The following RARB variants were observed in gnomAD, a reference collection of about 807,000 sequenced individuals.
RARB encodes HBV-activated protein.
RARB carries 17 observed loss-of-function variants against 51.9 expected under a neutral mutation model. The ratio of observed to expected loss-of-function variants is 0.33; its 90% CI spans 0.22 to 0.49. The LOEUF (loss-of-function observed/expected upper bound fraction) is 0.49, where lower values mean the gene tolerates loss of function less well. Among genes scored for constraint, RARB ranks in the 20% least tolerant of loss-of-function variants. The pLI is 0.99. For synonymous variants in RARB, 215 were observed against 195.4 expected (o/e 1.10, Z -0.84); for missense variants, 369 against 550.8 (o/e 0.67, Z 3.30).
intron 5 of RARB, among the ~76,000 whole-genome samples, chr3:25,273,278 G>A (rs1575275209): frequency 6.6e-6 from 1 of 152,150 alleles, no homozygotes; most frequent in East Asian, 1.9e-4. Flanking sequence ...TGCATGAGAA[G>A]CTCATGCTTT....
chr3:25,546,291 C>A (rs948702287), intron 3 of RARB, among the ~76,000 whole-genome samples: 1 of 152,228 alleles, frequency 6.6e-6, no homozygotes, highest in South Asian at 2.1e-4. Context: ...AGCTGTTTTG[C>A]GCAGAAGAGT....
chr3:25,477,249 C>T (rs1335491293), intron 2 of RARB, among the ~76,000 whole-genome samples: 2 of 152,180 alleles, frequency 1.3e-5, no homozygotes, highest in African/African-American at 4.8e-5. Flanking sequence ...GAGGTGCCTG[C>T]CCCATCTGTC....
rs75829964 is a variant in RARB, at chr3:25,480,553, A to G, written c.306+19212A>G. On this transcript the variant is annotated intron_variant, in intron 2 of 7. Transcript: ENST00000330688. ...ATCTGATTCACTAGTCCTTGAAAGTATGGCAAGGATGCATTTTGGTGATGT... is the reference window on the plus strand; with the variant it reads ...ATCTGATTCACTAGTCCTTGAAAGTGTGGCAAGGATGCATTTTGGTGATGT... Among the ~76,000 whole-genome samples, 12 of 152,326 alleles carry G rather than the reference A, an allele frequency of 7.9e-5. No individual in the cohort carries two copies. The East Asian group carries it at 2.3e-3, about 29-fold the overall frequency.
intron 5 of RARB, among the ~76,000 whole-genome samples, chr3:25,254,849 C>T (rs1338370904): frequency 6.6e-6 from 1 of 152,128 alleles, no homozygotes; most frequent in African/African-American, 2.4e-5. Flanking sequence ...GGACAACTTA[C>T]ATGTTGCTAT....
chr3:25,045,953 T>C (rs906563836), intron 2 of RARB, among the ~76,000 whole-genome samples: 2 of 152,256 alleles, frequency 1.3e-5, no homozygotes, highest in African/African-American at 4.8e-5. Context: ...AGATTTAATA[T>C]TCATTAGACC....
chr3:25,545,760 C>T (rs1036228597), intron 3 of RARB, among the ~76,000 whole-genome samples: 47 of 152,114 alleles, frequency 3.1e-4, no homozygotes, highest in African/African-American at 1.1e-3. Context: ...GATCCTTCAT[C>T]GACAACAATT....
chr3:25,062,757 G>C (rs549981985), intron 3 of RARB, among the ~76,000 whole-genome samples: 48 of 151,996 alleles, frequency 3.2e-4, no homozygotes, highest in African/African-American at 1.1e-3. Flanking sequence ...CCTATGTTTG[G>C]GGCCAGTAGA....
At chr3:25,152,225 T>G (rs1700298726) in intron 4 of RARB, among the ~76,000 whole-genome samples, 1 of 152,206 alleles carries the variant, frequency 6.6e-6, no homozygotes, top group African/African-American at 2.4e-5. Context: ...TCGGTAGAGT[T>G]GTTTTTTCTC....
chr3:24,925,343 C>A lies in RARB; in HGVS notation c.-380+66591C>A, dbSNP rs140649798. On this transcript the variant is annotated intron_variant, in intron 2 of 11. Transcript: ENST00000383772. ...TTTTGCCATTTTGTTGTAGATATGT[C>A]CTTGGAAAGAAATCTCAGGCCTGGC... Among the ~76,000 whole-genome samples the A allele has an allele frequency of 2.1e-3, 315 of 151,984 alleles. 4 individuals are homozygous for A. The highest frequency in any genetic ancestry group is 6.8e-3 in the Middle Eastern group (2 of 294).
At chr3:25,419,104 G>C (rs1288346379) in intron 5 of RARB, among the ~76,000 whole-genome samples, 1 of 151,940 alleles carries the variant, frequency 6.6e-6, no homozygotes, top group Non-Finnish European at 1.5e-5. Context: ...TTGGCCAAAG[G>C]AGCATAATCT....
intron 2 of RARB, among the ~76,000 whole-genome samples, chr3:25,027,424 C>T (rs13318603): frequency 9.7e-4 from 148 of 152,236 alleles, no homozygotes; most frequent in African/African-American, 3.5e-3. Flanking sequence ...CATCTTCCCC[C>T]CCATATGATT....
intron 5 of RARB, among the ~76,000 whole-genome samples, chr3:25,344,945 A>T (rs1298049602): frequency 8.9e-6 from 1 of 112,634 alleles, no homozygotes; most frequent in Non-Finnish European, 1.9e-5. Context: ...AGTATTTGGC[A>T]TGTTTGTAAG....
chr3:25,476,767 G>T (rs555952413), intron 2 of RARB, among the ~76,000 whole-genome samples: 3 of 152,150 alleles, frequency 2.0e-5, no homozygotes, highest in Non-Finnish European at 4.4e-5. Context: ...AGAAGTGCTG[G>T]CAGCCATCCT....
At chr3:24,942,445 G>A (rs10514678) in intron 2 of RARB, among the ~76,000 whole-genome samples, 2,928 of 152,252 alleles carry the variant, frequency 0.019, 92 homozygotes, top group African/African-American at 0.067. Context: ...ACACAGACTC[G>A]AGTAATGTCG....
At chr3:25,356,978 T>C (rs1389261918) in intron 5 of RARB, among the ~76,000 whole-genome samples, 1 of 152,168 alleles carries the variant, frequency 6.6e-6, no homozygotes. Context: ...TAAACATACG[T>C]GTGCATGTGT....
At chr3:25,511,166 T>C (rs898703387) in intron 3 of RARB, among the ~76,000 whole-genome samples, 1 of 152,024 alleles carries the variant, frequency 6.6e-6, no homozygotes, top group Non-Finnish European at 1.5e-5. Context: ...GGCGTCTTGC[T>C]CTGTTGCCCA....
chr3:25,176,330 TTTCTTTCCTTCC>T (rs1429294327), intron 5 of RARB, among the ~76,000 whole-genome samples: 12 of 50,356 alleles, frequency 2.4e-4, no homozygotes, highest in African/African-American at 7.1e-4. Flanking sequence ...TCTTTCTTTC[TTTCTTTCCTTCC>T]TTCCTTCCTT....
At chr3:24,881,525 TACG>T (rs1313815365) in intron 2 of RARB, among the ~76,000 whole-genome samples, 2 of 152,192 alleles carry the variant, frequency 1.3e-5, no homozygotes, top group Non-Finnish European at 2.9e-5. Context: ...GTTTGCATAT[TACG>T]ACATTTCAAA....
rs535774358 is a variant in RARB at position 25,221,575 on chromosome 3, T to C, written c.178+47000T>C. 3.9e-5 allele frequency among the ~76,000 whole-genome samples: 6 copies of C among 152,314 alleles called. No homozygotes were observed. In the South Asian group the frequency reaches 1.2e-3, roughly 32 times the overall value. ...ATTCTGCACTAGCCTAAGACATTGG[T>C]GGGTATAAGTCTAATCCCCCTAAAA... On this transcript the variant is annotated intron_variant, in intron 5 of 11. Transcript: ENST00000383772.
Sources: allele counts gnomAD v4.1 joint callset (sites outside exome capture counted in the v4.1 genomes callset), GRCh38; gene constraint gnomAD v4.1.1; transcripts MANE v1.5; gene names NCBI Gene and HGNC (gene_info 2026-07-23, HGNC 2026-07-21).